The following CNIH3 variants were observed in gnomAD, a reference collection of about 807,000 sequenced individuals.
CNIH3 encodes protein cornichon homolog 3.
A neutral mutation model predicts 24.1 loss-of-function variants in CNIH3; 14 were observed. That is an observed-to-expected ratio of 0.58 (90% CI 0.38 to 0.91). CNIH3 has a LOEUF of 0.91. CNIH3 is among the 40% of genes least tolerant of loss of function. The pLI, the probability that CNIH3 is intolerant of heterozygous loss-of-function variation, is 0.00. For missense variants in CNIH3, 178 were observed against 196.8 expected, an observed-to-expected ratio of 0.90 and a Z score of 0.57; for synonymous variants, 68 against 73.8, an observed-to-expected ratio of 0.92 and a Z score of 0.40.
chr1:224,685,708 A>G (rs1351954762), intron 3 of CNIH3, among the ~76,000 whole-genome samples: 2 of 152,212 alleles, frequency 1.3e-5, no homozygotes, highest in Non-Finnish European at 2.9e-5. Flanking sequence ...GCAAGCTTTT[A>G]AAGTTTTTTC....
At chr1:224,682,238 T>C (rs1349038046) in intron 2 of CNIH3, among the ~76,000 whole-genome samples, 1 of 152,230 alleles carries the variant, frequency 6.6e-6, no homozygotes, top group Non-Finnish European at 1.5e-5. Context: ...ACATAATCTG[T>C]AATCCTCACA....
At chr1:224,613,226 CCT>C (rs199926974), upstream of CNIH3, among the ~76,000 whole-genome samples, 2,453 of 152,270 alleles carry the variant, frequency 0.016, 29 homozygotes, top group Middle Eastern at 0.034. Flanking sequence ...ATCGCGAACT[CCT>C]GACCTCAAGT....
intron 1 of CNIH3, among the ~76,000 whole-genome samples, chr1:224,664,512 T>C (rs1685506904): frequency 6.6e-6 from 1 of 152,200 alleles, no homozygotes; most frequent in Admixed American, 6.5e-5. Flanking sequence ...TTAGTTATTA[T>C]GGAGGGGTGC....
chr1:224,537,895 A>G (rs1679350016), downstream of CNIH3, among the ~76,000 whole-genome samples: 1 of 152,118 alleles, frequency 6.6e-6, no homozygotes, highest in Non-Finnish European at 1.5e-5. Context: ...TTTCTCAACT[A>G]AAGGTAGAGG....
intron 4 of CNIH3, among the ~76,000 whole-genome samples, chr1:224,566,988 T>C (rs1680607765): frequency 6.6e-6 from 1 of 152,212 alleles, no homozygotes; most frequent in South Asian, 2.1e-4. Flanking sequence ...CCACCAACAG[T>C]GTAAAAGCGT....
intron 4 of CNIH3, among the ~76,000 whole-genome samples, chr1:224,573,048 G>T (rs2125002905): frequency 6.6e-6 from 1 of 152,174 alleles, no homozygotes; most frequent in East Asian, 1.9e-4. Context: ...TAAAATTGTT[G>T]ACATACAATT....
intron 1 of CNIH3, among the ~76,000 whole-genome samples, chr1:224,654,610 T>C (rs1307533140): frequency 6.6e-6 from 1 of 152,190 alleles, no homozygotes; most frequent in African/African-American, 2.4e-5. Flanking sequence ...CCTTGCAGGA[T>C]TTAATTGGCT....
chr1:224,582,296 T>A (rs532188453), intron 4 of CNIH3, among the ~76,000 whole-genome samples: 29 of 152,302 alleles, frequency 1.9e-4, no homozygotes, highest in African/African-American at 5.5e-4. Context: ...TGTGTTGGTG[T>A]GTGAACAGAA....
intron 1 of CNIH3, among the ~76,000 whole-genome samples, chr1:224,639,660 C>T (rs777434146): frequency 6.6e-6 from 1 of 152,108 alleles, no homozygotes; most frequent in Non-Finnish European, 1.5e-5. Flanking sequence ...CCATCACTGG[C>T]AGGTAGACCT....
intron 3 of CNIH3, among the ~76,000 whole-genome samples, chr1:224,552,034 G>A (rs893854974): frequency 6.6e-6 from 1 of 151,578 alleles, no homozygotes; most frequent in African/African-American, 2.4e-5. Flanking sequence ...GATATTAAGA[G>A]TAACATATCT....
intron 1 of CNIH3, among the ~76,000 whole-genome samples, chr1:224,617,905 G>A (rs146404169): frequency 1.3e-5 from 2 of 152,246 alleles, no homozygotes; most frequent in African/African-American, 2.4e-5. Flanking sequence ...GAGCGACGAC[G>A]GTGTCCTCCA....
At position 224,650,383 on chromosome 1, in the gene CNIH3, A is replaced by G. The variant is rs554666763; in HGVS notation, c.82-30575A>G. Among the ~76,000 whole-genome samples, 49 of 152,310 alleles carry G rather than the reference A, an allele frequency of 3.2e-4. 1 individual carries two copies. The South Asian group carries it at 8.7e-3, about 27-fold the overall frequency. On this transcript the variant is annotated intron_variant, in intron 1 of 5. Transcript: ENST00000272133. ...GTACATACTTCCTGGAGGTTGCACA[A>G]ACTAACCAATTTGATTTTAAATATT...
chr1:224,436,440 G>T (rs1417288400), intron 1 of CNIH3, among the ~76,000 whole-genome samples: 1 of 152,170 alleles, frequency 6.6e-6, no homozygotes, highest in Non-Finnish European at 1.5e-5. Flanking sequence ...AATAAAGACT[G>T]TAGGTTTTAT....
chr1:224,457,653 C>G (rs1675735721), intron 1 of CNIH3, among the ~76,000 whole-genome samples: 1 of 151,412 alleles, frequency 6.6e-6, no homozygotes, highest in Admixed American at 6.6e-5. Flanking sequence ...AGGCACTTTT[C>G]TGTTCTTGTA....
intron 5 of CNIH3, chr1:224,588,241 G>A (rs1295898880): frequency 1.3e-5 from 2 of 152,006 alleles, no homozygotes; most frequent in African/African-American, 4.8e-5. Flanking sequence ...TCTAACACAC[G>A]GTGTCATCTC....
At chr1:224,685,648 G>C (rs1686620243) in intron 3 of CNIH3, among the ~76,000 whole-genome samples, 1 of 152,186 alleles carries the variant, frequency 6.6e-6, no homozygotes, top group South Asian at 2.1e-4. Context: ...TACATGAATA[G>C]GACAGAAATA....
chr1:224,612,939 G>A (rs1452379423), upstream of CNIH3, among the ~76,000 whole-genome samples: 2 of 152,204 alleles, frequency 1.3e-5, no homozygotes, highest in African/African-American at 4.8e-5. This position sits in a 1 kb window ranked among gnomAD's most constrained non-coding sequence, Gnocchi z 4.7. Flanking sequence ...CCAGGATTGT[G>A]TTGGTGGTAT....
chr1:224,681,369 T>G (rs1686393062), intron 2 of CNIH3, among the ~76,000 whole-genome samples: 3 of 152,200 alleles, frequency 2.0e-5, no homozygotes, highest in Admixed American at 6.5e-5. Context: ...TGCAGGCACG[T>G]GAGCACCATG....
intron 3 of CNIH3, among the ~76,000 whole-genome samples, chr1:224,687,693 C>T (rs1404023595): frequency 6.6e-6 from 1 of 152,174 alleles, no homozygotes; most frequent in East Asian, 1.9e-4. Flanking sequence ...CAGCTTCGTA[C>T]CAGGACCACC....
Sources: allele counts gnomAD v4.1 joint callset (sites outside exome capture counted in the v4.1 genomes callset), GRCh38; gene constraint gnomAD v4.1.1; non-coding constraint Gnocchi (gnomAD v3.1); transcripts MANE v1.5; gene names NCBI Gene and HGNC (gene_info 2026-07-23, HGNC 2026-07-21).